The following NRF1 variants were observed in gnomAD, a reference collection of about 807,000 sequenced individuals.
The protein encoded by NRF1 is nuclear respiratory factor 1.
NRF1 carries 5 observed loss-of-function variants against 58.5 expected under a neutral mutation model. The ratio of observed to expected loss-of-function variants is 0.09; its 90% confidence interval spans 0.04 to 0.18. NRF1 has a LOEUF of 0.18. Ranked by LOEUF, NRF1 falls within the 10% of genes least tolerant of loss-of-function variation. The probability of loss-of-function intolerance (pLI) is 1.00; values close to 1 mark genes in which losing one functional copy is unlikely to be tolerated. For missense variants in NRF1, 288 were observed against 657.7 expected, an observed-to-expected ratio of 0.44 and a Z score of 6.15; for synonymous variants, 224 against 246.7, an observed-to-expected ratio of 0.91 and a Z score of 0.86.
chr7:129,620,639 G>A (rs1459185098), intron 1 of NRF1, among the ~76,000 whole-genome samples: 1 of 152,132 alleles, frequency 6.6e-6, no homozygotes, highest in African/African-American at 2.4e-5. Flanking sequence ...GCCCGCCTTG[G>A]CCTCCCAAAG....
At chr7:129,689,848 C>T (rs888993442) in intron 4 of NRF1, among the ~76,000 whole-genome samples, 1 of 152,232 alleles carries the variant, frequency 6.6e-6, no homozygotes. Context: ...CACTCAGCTA[C>T]AACATACACC....
intron 1 of NRF1, among the ~76,000 whole-genome samples, chr7:129,650,172 CTTT>C (rs547552443): frequency 1.4e-5 from 2 of 141,476 alleles, no homozygotes; most frequent in Non-Finnish European, 3.1e-5. Context: ...TTTCTTTTTC[CTTT>C]TTTTTTTTTT....
chr7:129,665,986 T>C (rs919710623), intron 2 of NRF1, among the ~76,000 whole-genome samples: 17 of 152,222 alleles, frequency 1.1e-4, no homozygotes, highest in Non-Finnish European at 1.8e-4. Flanking sequence ...GATAGGTTAA[T>C]AAAGAAGTGG....
At chr7:129,704,567 GAC>G (rs1458438468) in intron 5 of NRF1, among the ~76,000 whole-genome samples, 1 of 152,116 alleles carries the variant, frequency 6.6e-6, no homozygotes, top group African/African-American at 2.4e-5. Context: ...AAATGTTTGG[GAC>G]CAGAAGTACG....
intron 1 of NRF1, among the ~76,000 whole-genome samples, chr7:129,656,198 A>C (rs539422550): frequency 6.6e-6 from 1 of 152,278 alleles, no homozygotes; most frequent in South Asian, 2.1e-4. Context: ...TTAGTTTATA[A>C]TAGCAAAAAC....
At chr7:129,613,018 C>T (rs573916911) in intron 1 of NRF1, among the ~76,000 whole-genome samples, 3 of 152,316 alleles carry the variant, frequency 2.0e-5, no homozygotes, top group East Asian at 3.9e-4. Flanking sequence ...TGGTGTCAAT[C>T]GTGCTGATTT....
At chr7:129,709,696 G>A (rs1405422697) in intron 6 of NRF1, among the ~76,000 whole-genome samples, 1 of 149,460 alleles carries the variant, frequency 6.7e-6, no homozygotes, top group Admixed American at 6.6e-5. Flanking sequence ...TACTTTTTTT[G>A]CGTATTTATT....
At chr7:129,626,378 C>G (rs369020401) in intron 1 of NRF1, among the ~76,000 whole-genome samples, 121 of 152,266 alleles carry the variant, frequency 7.9e-4, no homozygotes, top group African/African-American at 2.7e-3. Context: ...CATCATTTAG[C>G]CAACTGTGAG....
intron 5 of NRF1, among the ~76,000 whole-genome samples, chr7:129,690,983 G>A (rs574411667): frequency 3.3e-5 from 5 of 152,192 alleles, no homozygotes; most frequent in Non-Finnish European, 5.9e-5. Flanking sequence ...GCTTCCTTCC[G>A]CAAGAATGTA....
rs1376272453 is a variant in NRF1, at chr7:129,611,766, G to A, written c.-65G>A. On this transcript the variant is annotated 5_prime_UTR_variant, in exon 1 of 11. Transcript: ENST00000393232. The stretch of plus-strand genomic sequence containing the variant: ...TGCCGCTGGTGGCAGGAGGCTGCGA[G>A]GAGCCGGCGCGGTCGCAGTCTCCAC... 1.7e-5 allele frequency: 5 copies of A among 296,344 alleles called. No individual in the cohort carries two copies. Among genetic ancestry groups the A allele is most frequent in the Admixed American group, 1.5e-4 (3 of 19,396 alleles). 18.4% of individuals were successfully genotyped at this position (296,344 alleles called of 1,614,324 possible).
chr7:129,629,576 G>A (rs764453087), intron 1 of NRF1, among the ~76,000 whole-genome samples: 3 of 152,072 alleles, frequency 2.0e-5, no homozygotes, highest in South Asian at 2.1e-4. Flanking sequence ...CACCCGGCCC[G>A]CACACACGCT....
At chr7:129,634,165 T>TATTCTCTCCTA (rs1340881576) in intron 1 of NRF1, among the ~76,000 whole-genome samples, 1 of 151,924 alleles carries the variant, frequency 6.6e-6, no homozygotes, top group Non-Finnish European at 1.5e-5. Context: ...CTCCTACCCA[T>TATTCTCTCCTA]TTCCTTTATT....
intron 9 of NRF1, among the ~76,000 whole-genome samples, chr7:129,725,971 A>G (rs1056448060): frequency 1.3e-5 from 2 of 152,196 alleles, no homozygotes; most frequent in African/African-American, 2.4e-5. Context: ...AGGAGACTGT[A>G]TTGAGTTTGG....
chr7:129,637,754 G>A (rs1287404726), intron 1 of NRF1, among the ~76,000 whole-genome samples: 1 of 151,974 alleles, frequency 6.6e-6, no homozygotes, highest in Admixed American at 6.6e-5. Flanking sequence ...TTTAAGACAA[G>A]CTTATCCAAC....
chr7:129,734,905 G>A (rs1803670558), intron 10 of NRF1: 1 of 224,746 alleles, frequency 4.4e-6, no homozygotes, highest in African/African-American at 2.3e-5. Context: ...TTCAGTTTAG[G>A]CCAGGACTCT....
At chr7:129,642,899 T>C (rs1443924895) in intron 1 of NRF1, among the ~76,000 whole-genome samples, 3 of 151,880 alleles carry the variant, frequency 2.0e-5, no homozygotes, top group Admixed American at 2.0e-4. Context: ...TAGCTGGGAC[T>C]ACAGGCATGC....
chr7:129,695,807 A>T (rs1802679319), intron 5 of NRF1, among the ~76,000 whole-genome samples: 1 of 151,600 alleles, frequency 6.6e-6, no homozygotes, highest in African/African-American at 2.4e-5. Context: ...AACACTAATT[A>T]TCTACACATG....
intron 4 of NRF1, among the ~76,000 whole-genome samples, chr7:129,682,490 G>A (rs1383877427): frequency 2.0e-5 from 3 of 151,274 alleles, no homozygotes; most frequent in African/African-American, 4.9e-5. Context: ...AAAAAACCCC[G>A]CAATGATAGT....
At chr7:129,620,103 G>T (rs1168943388) in intron 1 of NRF1, among the ~76,000 whole-genome samples, 1 of 152,248 alleles carries the variant, frequency 6.6e-6, no homozygotes, top group African/African-American at 2.4e-5. Context: ...GTGTTCGTTG[G>T]CTGAAATCAG....
Sources: allele counts gnomAD v4.1 joint callset (sites outside exome capture counted in the v4.1 genomes callset), GRCh38; gene constraint gnomAD v4.1.1; transcripts MANE v1.5; gene names NCBI Gene and HGNC (gene_info 2026-07-23, HGNC 2026-07-21).